Variants in DENND6A observed in about 807,000 individuals in gnomAD.
DENND6A encodes DENN domain containing 6A, also known as protein DENND6A.
Under a neutral mutation model 95.5 loss-of-function variants are expected in DENND6A, and 43 were observed. The ratio of observed to expected loss-of-function variants is 0.45; its 90% CI spans 0.35 to 0.58. The LOEUF is 0.58. Ranked by LOEUF, DENND6A falls within the 20% of genes least tolerant of loss-of-function variation. The pLI is 0.00. For missense variants in DENND6A, 574 were observed against 736.0 expected, an observed-to-expected ratio of 0.78 and a Z score of 2.55; for synonymous variants, 257 against 260.4, an observed-to-expected ratio of 0.99 and a Z score of 0.13.
At chr3:57,688,207 G>A (rs1000206469) in intron 1 of DENND6A, among the ~76,000 whole-genome samples, 2 of 151,814 alleles carry the variant, frequency 1.3e-5, no homozygotes, top group Non-Finnish European at 2.9e-5. Context: ...TGTTGGCTAC[G>A]GCGGTCTCGA....
At chr3:57,663,817 T>C in intron 4 of DENND6A, 101 bp from the exon 5 acceptor site, 1 of 598,018 alleles carries the variant, frequency 1.7e-6, no homozygotes. Flanking sequence ...ATCAGGCTCC[T>C]TTATAAACCC....
rs72874838 is a variant in DENND6A at position 57,656,016 on chromosome 3, G to A, written c.818+1664C>T. Among the ~76,000 whole-genome samples, 1,037 of 152,086 alleles carry A rather than the reference G, an allele frequency of 6.8e-3. 14 individuals carry two copies. Among genetic ancestry groups the A allele is most frequent in the African/African-American group, 0.023 (964 of 41,490 alleles). ...TTGCCTGTAATATTTATTCATTTTG[G>A]GGACACTCCCTCTTTTCATCCTAAT... On this transcript the variant is annotated intron_variant, in intron 9 of 19. Coordinates refer to ENST00000311128, the MANE Select transcript of DENND6A (RefSeq NM_152678.3).
At position 57,677,419 on chromosome 3, in the gene DENND6A, CTT is replaced by C. The variant is rs71088101; in HGVS notation, c.238-4983_238-4982del. ...GCCAGTTTGGGCTAACTTTGTTGTCCTTTTTTTTTTTTTTTTTTTTTTTTTGA... is the reference window on the plus strand; with the variant it reads ...GCCAGTTTGGGCTAACTTTGTTGTCCTTTTTTTTTTTTTTTTTTTTTTTGA... On this transcript the variant is annotated intron_variant, in intron 1 of 19. Transcript: ENST00000311128. Among the ~76,000 whole-genome samples, 296 of 68,698 alleles carry C rather than the reference CTT, an allele frequency of 4.3e-3. 1 individual carries two copies. Among genetic ancestry groups the C allele is most frequent in the African/African-American group, 0.017 (279 of 16,630 alleles). 45.1% of individuals were successfully genotyped at this position (68,698 alleles called of 152,430 possible). A position where few individuals can be genotyped will look rare whatever the true frequency, so the allele number is the denominator to read the frequency against.
intron 9 of DENND6A, among the ~76,000 whole-genome samples, chr3:57,648,562 A>C (rs2153414142): frequency 6.6e-6 from 1 of 152,340 alleles, no homozygotes; most frequent in East Asian, 1.9e-4. Context: ...TAGCTAAAGT[A>C]AGACTAAGCA....
chr3:57,642,021 TG>T (rs1326571841), intron 11 of DENND6A, among the ~76,000 whole-genome samples: 3 of 152,140 alleles, frequency 2.0e-5, no homozygotes, highest in African/African-American at 7.2e-5. Flanking sequence ...TGGTTTAAAA[TG>T]CACAACAATT....
intron 1 of DENND6A, among the ~76,000 whole-genome samples, chr3:57,676,364 ATAAGAT>A (rs1378872150): frequency 2.0e-5 from 3 of 147,266 alleles, no homozygotes; most frequent in Non-Finnish European, 4.5e-5. Flanking sequence ...TGGCAAAAGA[ATAAGAT>A]TATTTAAAAA....
At chr3:57,669,324 C>A (rs900155881) in intron 3 of DENND6A, among the ~76,000 whole-genome samples, 3 of 152,072 alleles carry the variant, frequency 2.0e-5, no homozygotes, top group Non-Finnish European at 4.4e-5. Flanking sequence ...GCTTTCAGGT[C>A]TTTTGTAGAT....
chr3:57,631,559 C>T (rs1044175759), intron 15 of DENND6A, among the ~76,000 whole-genome samples: 1 of 152,004 alleles, frequency 6.6e-6, no homozygotes, highest in African/African-American at 2.4e-5. Context: ...ATAATGCACT[C>T]AACATTTTAC....
chr3:57,670,032 A>AAAAAAAAAAAAAAAAG (rs2071590911), intron 3 of DENND6A, among the ~76,000 whole-genome samples: 1 of 149,356 alleles, frequency 6.7e-6, no homozygotes, highest in African/African-American at 2.5e-5. Flanking sequence ...AAAAAAAAAA[A>AAAAAAAAAAAAAAAAG]AAAAAGAAAA....
intron 12 of DENND6A, among the ~76,000 whole-genome samples, chr3:57,637,704 T>C (rs1273292349): frequency 1.4e-5 from 2 of 140,366 alleles, no homozygotes; most frequent in African/African-American, 2.7e-5. Context: ...AAAAGATATA[T>C]GAGATTTCAT....
At chr3:57,637,500 G>GT (rs1354025818) in intron 12 of DENND6A, among the ~76,000 whole-genome samples, 1 of 151,878 alleles carries the variant, frequency 6.6e-6, no homozygotes, top group Admixed American at 6.6e-5. Context: ...TAAAGAAGAT[G>GT]TTTTTTTCTC....
intron 1 of DENND6A, 118 bp from the exon 2 acceptor site, chr3:57,672,556 G>C (rs948992533): frequency 1.9e-6 from 2 of 1,034,564 alleles, no homozygotes; most frequent in African/African-American, 1.6e-5. Context: ...CCCAAGGCAG[G>C]CGGATCACTT....
intron 9 of DENND6A, among the ~76,000 whole-genome samples, chr3:57,653,389 GT>G (rs749717779): frequency 6.6e-6 from 1 of 152,082 alleles, no homozygotes; most frequent in African/African-American, 2.4e-5. Flanking sequence ...TATCAAAGTT[GT>G]TTTTTTGGGT....
intron 9 of DENND6A, among the ~76,000 whole-genome samples, chr3:57,649,047 A>T (rs2071138128): frequency 6.6e-6 from 1 of 152,220 alleles, no homozygotes; most frequent in Admixed American, 6.5e-5. Flanking sequence ...ACAGCAAAAG[A>T]AATAATCAGC....
intron 1 of DENND6A, among the ~76,000 whole-genome samples, chr3:57,678,865 T>C (rs2077133361): frequency 6.6e-6 from 1 of 152,260 alleles, no homozygotes; most frequent in Non-Finnish European, 1.5e-5. Context: ...GCCAGCACTT[T>C]GGGAGACCAA....
chr3:57,692,992 C>T lies in DENND6A; in HGVS notation c.27G>A (p.Leu9=). 1 of 1,513,442 alleles carries T rather than the reference C, an allele frequency of 6.6e-7. No individual in the cohort carries two copies. The highest frequency in any genetic ancestry group is 2.1e-4 in the Middle Eastern group (1 of 4,696). 93.8% of individuals were successfully genotyped at this position (1,513,442 alleles called of 1,614,324 possible). ...CCAACGGCCTTCGAGAGCCGGGCCC[C>T]AAGCCCGCAGGGCCCCTCAAAGCCA... is the stretch of plus-strand genomic sequence containing the variant. MALRGPAG[L]GPGSRRPLDE... Residue 9 remains leucine, a synonymous_variant, in exon 1 of 20, where the codon TTG becomes TTA. Transcript: ENST00000311128.
At chr3:57,645,862 T>C in intron 10 of DENND6A, 106 bp from the exon 11 acceptor site, 2 of 718,494 alleles carry the variant, frequency 2.8e-6, no homozygotes, top group Non-Finnish European at 4.5e-6. Flanking sequence ...AGGGATACTT[T>C]GTTTATTTTA....
chr3:57,633,504 C>A, intron 14 of DENND6A, 150 bp from the exon 15 acceptor site: 1 of 683,970 alleles, frequency 1.5e-6, no homozygotes, highest in Non-Finnish European at 2.5e-6. Flanking sequence ...ATGTGAAGTT[C>A]ATTGTGCAAT....
At chr3:57,677,673 T>C (rs1400073509) in intron 1 of DENND6A, among the ~76,000 whole-genome samples, 1 of 152,104 alleles carries the variant, frequency 6.6e-6, no homozygotes, top group Non-Finnish European at 1.5e-5. Context: ...TGGCCTCAAA[T>C]GATCCTCCTG....
Sources: gnomAD v4.1 joint callset for allele counts (sites outside exome capture counted in the v4.1 genomes callset) on GRCh38, gnomAD v4.1.1 for gene constraint, MANE v1.5 for transcripts, NCBI Gene and HGNC (gene_info 2026-07-23, HGNC 2026-07-21) for gene names.